SLC25A48: variants seen among roughly 807,000 people sequenced by gnomAD.
The protein encoded by SLC25A48 is CTC-321K16.1.
In SLC25A48, 29 loss-of-function variants were observed where a neutral mutation model predicts 32.2. That is an observed-to-expected ratio of 0.90 (90% CI 0.67 to 1.23). The LOEUF (loss-of-function observed/expected upper bound fraction) is 1.23, where lower values mean the gene tolerates loss of function less well. Among genes scored for constraint, SLC25A48 ranks in the 50% most tolerant of loss-of-function variants. The pLI is 0.00. For missense variants in SLC25A48, 399 were observed against 422.7 expected (o/e 0.94, Z 0.49); for synonymous variants, 164 against 172.3 (o/e 0.95, Z 0.38).
At chr5:135,795,819 G>C (rs1344566409) in intron 3 of SLC25A48, among the ~76,000 whole-genome samples, 1 of 151,096 alleles carries the variant, frequency 6.6e-6, no homozygotes, top group African/African-American at 2.4e-5. Flanking sequence ...ATAATATCCA[G>C]GGGGGAGAGG....
chr5:135,821,246 T>A (rs1171781518), intron 4 of SLC25A48, among the ~76,000 whole-genome samples: 2 of 152,136 alleles, frequency 1.3e-5, no homozygotes, highest in Non-Finnish European at 2.9e-5. Context: ...CTGGGGACGG[T>A]GGCTCTGTGG....
intron 3 of SLC25A48, chr5:135,650,559 T>TG (rs1554118877): frequency 4.2e-6 from 1 of 239,388 alleles, no homozygotes; most frequent in Non-Finnish European, 7.6e-6. Context: ...GGAGTGGAAC[T>TG]AAAAAAAAAA....
At chr5:135,650,166 C>A in intron 3 of SLC25A48, 1 of 212,026 alleles carries the variant, frequency 4.7e-6, no homozygotes. Flanking sequence ...AGCTCCAGTG[C>A]CAGAAATTCT....
chr5:135,756,711 T>G (rs1755915675), intron 3 of SLC25A48, among the ~76,000 whole-genome samples: 1 of 151,280 alleles, frequency 6.6e-6, no homozygotes, highest in Non-Finnish European at 1.5e-5. Context: ...TAATATGTAG[T>G]GTTAACACAC....
chr5:135,695,225 T>C (rs1418239644), intron 3 of SLC25A48, among the ~76,000 whole-genome samples: 1 of 152,208 alleles, frequency 6.6e-6, no homozygotes, highest in Non-Finnish European at 1.5e-5. Flanking sequence ...CAGTCTGAGG[T>C]AGTGGCCTTC....
Position 135,823,918 on chromosome 5 carries a change from A to T in SLC25A48, c.-117+10992A>T, listed in dbSNP as rs147195717. 2.0e-3 allele frequency among the ~76,000 whole-genome samples: 311 copies of T among 152,328 alleles called. 1 individual carries two copies. Among genetic ancestry groups the T allele is most frequent in the African/African-American group, 7.0e-3 (290 of 41,566 alleles). ...GAGAAGGCCTGTGTGGCTGGACTGGACAGAGTGAAGGGAATATGAGTTGGA... is the reference window on the plus strand; with the variant it reads ...GAGAAGGCCTGTGTGGCTGGACTGGTCAGAGTGAAGGGAATATGAGTTGGA... On this transcript the variant is annotated intron_variant, in intron 4 of 10. Coordinates refer to the SLC25A48 transcript ENST00000646290.
At chr5:135,885,533 G>A (rs186418451) in intron 7 of SLC25A48, among the ~76,000 whole-genome samples, 43 of 152,094 alleles carry the variant, frequency 2.8e-4, no homozygotes, top group Non-Finnish European at 5.1e-4. Context: ...AGCATCCATG[G>A]TCCTTCCACC....
At chr5:135,667,255 TG>T (rs1317808896) in intron 3 of SLC25A48, among the ~76,000 whole-genome samples, 1 of 152,174 alleles carries the variant, frequency 6.6e-6, no homozygotes, top group Non-Finnish European at 1.5e-5. Context: ...ATATACAAAA[TG>T]GTACCACTCT....
chr5:135,865,359 C>A (rs1761105918), intron 4 of SLC25A48, among the ~76,000 whole-genome samples: 1 of 152,276 alleles, frequency 6.6e-6, no homozygotes, highest in East Asian at 1.9e-4. Flanking sequence ...AGGGGTCCAC[C>A]AGCCTGCTCA....
At chr5:135,871,427 G>C (rs1330323148) in intron 4 of SLC25A48, 34 bp from the exon 5 acceptor site, 1 of 1,558,294 alleles carries the variant, frequency 6.4e-7, no homozygotes, top group Non-Finnish European at 8.7e-7. Context: ...TACACCCTGG[G>C]TCACTTGCCA....
At chr5:135,719,425 T>C (rs577401018) in intron 3 of SLC25A48, among the ~76,000 whole-genome samples, 2 of 151,884 alleles carry the variant, frequency 1.3e-5, no homozygotes, top group East Asian at 1.9e-4. Flanking sequence ...GAAGCAGAAG[T>C]TGGGGAGAAG....
At chr5:135,811,433 A>T (rs1442052278) in intron 3 of SLC25A48, among the ~76,000 whole-genome samples, 1 of 152,214 alleles carries the variant, frequency 6.6e-6, no homozygotes, top group African/African-American at 2.4e-5. Context: ...GATTGAGGAG[A>T]TATTGGTCGA....
At chr5:135,737,403 TCTTCAGTTA>T (rs1333939575) in intron 3 of SLC25A48, among the ~76,000 whole-genome samples, 1 of 152,156 alleles carries the variant, frequency 6.6e-6, no homozygotes, top group African/African-American at 2.4e-5. Flanking sequence ...CTTTTGTGAT[TCTTCAGTTA>T]CTTCAGGCCA....
chr5:135,666,714 C>T (rs971629351), intron 3 of SLC25A48, among the ~76,000 whole-genome samples: 1 of 151,684 alleles, frequency 6.6e-6, no homozygotes, highest in African/African-American at 2.4e-5. Flanking sequence ...GGAAGGAAAC[C>T]TTGTATTTTA....
chr5:135,701,241 C>G (rs1425601804), intron 3 of SLC25A48, among the ~76,000 whole-genome samples: 4 of 152,190 alleles, frequency 2.6e-5, no homozygotes, highest in Non-Finnish European at 4.4e-5. Flanking sequence ...CCTGCTCTCC[C>G]CTCATCGTCT....
chr5:135,688,953 T>G (rs1293534732), intron 3 of SLC25A48, among the ~76,000 whole-genome samples: 1 of 152,252 alleles, frequency 6.6e-6, no homozygotes, highest in African/African-American at 2.4e-5. Context: ...CACATATGTT[T>G]CTGAGTGCAT....
chr5:135,672,935 T>C (rs1025995219), intron 3 of SLC25A48, among the ~76,000 whole-genome samples: 10 of 152,322 alleles, frequency 6.6e-5, no homozygotes, highest in African/African-American at 2.4e-4. Context: ...TCTGTCAATA[T>C]AGATTAATTT....
intron 3 of SLC25A48, among the ~76,000 whole-genome samples, chr5:135,743,456 A>T (rs887606991): frequency 2.6e-5 from 4 of 152,104 alleles, no homozygotes; most frequent in Non-Finnish European, 4.4e-5. Context: ...GTCCTATGAT[A>T]CAGAGGACAG....
Position 135,629,715 on chromosome 5 carries a change from A to T in SLC25A48, c.-709+339A>T, listed in dbSNP as rs1389729335. Among the ~76,000 whole-genome samples the T allele has an allele frequency of 6.6e-6, 1 of 152,132 alleles. No individual in the cohort carries two copies. Among genetic ancestry groups the T allele is most frequent in the African/African-American group, 2.4e-5 (1 of 41,436 alleles). On this transcript the variant is annotated intron_variant, in intron 2 of 10. Transcript: ENST00000646290. This position sits in a 1 kb window ranked among gnomAD's most constrained non-coding sequence, Gnocchi z 4.8. The stretch of plus-strand genomic sequence containing the variant: ...AGTTATCACAACCAAGGAGCGAGGG[A>T]GCTGGGGCATTGATCCTTCAACTCC...
Sources: allele counts gnomAD v4.1 joint callset (sites outside exome capture counted in the v4.1 genomes callset), GRCh38; gene constraint gnomAD v4.1.1; non-coding constraint Gnocchi (gnomAD v3.1); transcripts MANE v1.5; gene names NCBI Gene and HGNC (gene_info 2026-07-23, HGNC 2026-07-21).